LCE2C: variants seen among roughly 807,000 people sequenced by gnomAD.
LCE2C encodes late cornified envelope protein 2C.
For synonymous variants in LCE2C, 57 were observed against 51.0 expected (o/e 1.12, Z -0.50); for missense variants, 179 against 141.3 (o/e 1.27, Z -1.35).
chr1:152,676,251 G>T lies in LCE2C; in HGVS notation c.236G>T (p.Arg79Leu), dbSNP rs199701090. ...TGCTCCCTGAGCCACCACAGGCCCC[G>T]TCTCTTCCACCGGCGCCGGCACCAG... is the stretch of plus-strand genomic sequence containing the variant. ...GGCSLSHHRP[R>L]LFHRRRHQSP... The change falls in exon 2 of 2, where the codon CGT becomes CTT. Residue 79 changes from arginine to leucine, a missense_variant. By Grantham distance (102) the Arg-to-Leu change is moderately radical. Transcript: ENST00000368783. 1.2e-6 allele frequency: 2 copies of T among 1,613,832 alleles called. No homozygotes were observed. The highest frequency in any genetic ancestry group is 2.2e-5 in the South Asian group (2 of 91,074).
At position 152,676,251 on chromosome 1, in the gene LCE2C, G is replaced by A. The variant is rs199701090; in HGVS notation, c.236G>A (p.Arg79His). 4.3e-5 allele frequency: 70 copies of A among 1,613,830 alleles called. No homozygotes were observed. In the Middle Eastern group the frequency reaches 5.0e-4, roughly 11 times the overall value. The change falls in exon 2 of 2, where the codon CGT (arginine) becomes CAT (histidine). Residue 79 changes from arginine to histidine, a missense_variant. Coordinates refer to ENST00000368783, the MANE Select transcript of LCE2C (RefSeq NM_178429.5). ...TGCTCCCTGAGCCACCACAGGCCCC[G>A]TCTCTTCCACCGGCGCCGGCACCAG... Reference protein sequence around the residue: ...GGCSLSHHRPRLFHRRRHQSP... With the variant: ...GGCSLSHHRPHLFHRRRHQSP...
In LCE2C at chr1:152,676,020, C is replaced by T. The variant is rs755367389; in HGVS notation, c.5C>T (p.Ser2Phe). 19 of 1,614,180 alleles carry T rather than the reference C, an allele frequency of 1.2e-5. No homozygotes were observed. The highest frequency in any genetic ancestry group is 1.5e-5 in the Non-Finnish European group (18 of 1,180,020). Residue 2 changes from serine (S) to phenylalanine (F), a missense_variant, in exon 2 of 2, where the codon TCT (serine) becomes TTT (phenylalanine). Transcript: ENST00000368783. M[S>F]CQQNQQQCQP... ...GTTGACTAAACTCCTGCCAGCATGT[C>T]TTGCCAGCAAAACCAGCAGCAGTGC...
At position 152,676,560 on chromosome 1, in the gene LCE2C, C is replaced by T. The variant is rs1404457690; in HGVS notation, c.*212C>T. 6.3e-6 allele frequency: 4 copies of T among 634,002 alleles called. No individual in the cohort carries two copies. The highest frequency in any genetic ancestry group is 1.1e-5 in the Non-Finnish European group (4 of 374,596). 39.3% of individuals were successfully genotyped at this position (634,002 alleles called of 1,614,324 possible). On this transcript the variant is annotated 3_prime_UTR_variant, in exon 2 of 2. Coordinates refer to ENST00000368783, the MANE Select transcript of LCE2C (RefSeq NM_178429.5). ...CCTCATGTTATAATAAAGCTCTGATCTCTGACTCACTAAATGTCTTGGTCA... is the reference window on the plus strand; with the variant it reads ...CCTCATGTTATAATAAAGCTCTGATTTCTGACTCACTAAATGTCTTGGTCA...
chr1:152,675,747 CT>C (rs1179766731), intron 1 of LCE2C, among the ~76,000 whole-genome samples: 1 of 152,178 alleles, frequency 6.6e-6, no homozygotes, highest in Non-Finnish European at 1.5e-5. Context: ...GCTGTGAATA[CT>C]CTATTCGGGC....
Position 152,676,424 on chromosome 1 carries a change from C to T in LCE2C, c.*76C>T. On this transcript the variant is annotated 3_prime_UTR_variant, in exon 2 of 2. Transcript: ENST00000368783. ...GCCTGATGGATACTCTTTCCACTTC[C>T]TCTCATTCCATTCATTGGTTGGCAG... 2 of 1,519,112 alleles carry T rather than the reference C, an allele frequency of 1.3e-6. No individual in the cohort carries two copies. Among genetic ancestry groups the T allele is most frequent in the Admixed American group, 2.2e-5 (1 of 44,740 alleles). The allele number at this position is 1,519,112 out of a possible 1,614,324, so 94.1% of individuals were successfully genotyped here.
In LCE2C at chr1:152,676,527, C is replaced by T; in HGVS notation, c.*179C>T. 2.6e-6 allele frequency: 2 copies of T among 756,524 alleles called. No homozygotes were observed. Among genetic ancestry groups the T allele is most frequent in the Admixed American group, 3.1e-5 (1 of 32,620 alleles). 46.9% of individuals were successfully genotyped at this position (756,524 alleles called of 1,614,324 possible). ...CACCCCAATTGCAAGTCTTCTTTTC[C>T]TCCTTTACCTCATGTTATAATAAAG... On this transcript the variant is annotated 3_prime_UTR_variant, in exon 2 of 2. Transcript: ENST00000368783.
In LCE2C at chr1:152,676,215, G is replaced by A. The variant is rs757510001; in HGVS notation, c.200G>A (p.Gly67Glu). The change falls in exon 2 of 2, where the codon GGG becomes GAG. Residue 67 changes from glycine (G) to glutamate (E), a missense_variant. Coordinates refer to ENST00000368783, the MANE Select transcript of LCE2C (RefSeq NM_178429.5). The part of the protein sequence containing the change: ...GPSSGGCCSS[G>E]AGGCSLSHHR... The stretch of plus-strand genomic sequence containing the variant: ...AGCTCTGGGGGCTGCTGCAGCTCTG[G>A]GGCTGGTGGCTGCTCCCTGAGCCAC... 1 of 1,614,038 alleles carries A rather than the reference G, an allele frequency of 6.2e-7. No individual in the cohort carries two copies. Among genetic ancestry groups the A allele is most frequent in the Non-Finnish European group, 8.5e-7 (1 of 1,180,022 alleles).
Position 152,676,036 on chromosome 1 carries a change from G to A in LCE2C, c.21G>A (p.Gln7=), listed in dbSNP as rs1454477556. 6.2e-7 allele frequency: 1 copy of A among 1,614,186 alleles called. No homozygotes were observed. Among genetic ancestry groups the A allele is most frequent in the South Asian group, 1.1e-5 (1 of 91,068 alleles). The change falls in exon 2 of 2, where the codon CAG becomes CAA. Residue 7 remains glutamine, a synonymous_variant. Coordinates refer to ENST00000368783, the MANE Select transcript of LCE2C (RefSeq NM_178429.5). MSCQQN[Q]QQCQPPPKCP... is the part of the protein sequence containing the mutation. ...CCAGCATGTCTTGCCAGCAAAACCAGCAGCAGTGCCAGCCCCCTCCCAAGT... is the reference window on the plus strand; with the variant it reads ...CCAGCATGTCTTGCCAGCAAAACCAACAGCAGTGCCAGCCCCCTCCCAAGT...
In LCE2C at chr1:152,676,080, C is replaced by G; in HGVS notation, c.65C>G (p.Pro22Arg). The G allele has an allele frequency of 6.2e-7, 1 of 1,614,190 alleles. No homozygotes were observed. Among genetic ancestry groups the G allele is most frequent in the Non-Finnish European group, 8.5e-7 (1 of 1,180,036 alleles). Residue 22 changes from proline to arginine, a missense_variant, in exon 2 of 2, where the codon CCA (proline) becomes CGA (arginine). Coordinates refer to ENST00000368783, the MANE Select transcript of LCE2C (RefSeq NM_178429.5). The stretch of plus-strand genomic sequence containing the variant: ...CCCAAGTGTCCTCCCAAGTGTACCC[C>G]AAAATGTCCACCTAAGTGTCCCCCC... ...PPPKCPPKCT[P>R]KCPPKCPPKC...
Position 152,676,390 on chromosome 1 carries a change from C to A in LCE2C, c.*42C>A. 6.4e-7 allele frequency: 1 copy of A among 1,551,706 alleles called. No homozygotes were observed. Among genetic ancestry groups the A allele is most frequent in the Non-Finnish European group, 8.7e-7 (1 of 1,153,282 alleles). On this transcript the variant is annotated 3_prime_UTR_variant, in exon 2 of 2. Transcript: ENST00000368783. The stretch of plus-strand genomic sequence containing the variant: ...GCTCTTGGGACTGAATGGCCAAGAA[C>A]CTGCTACGGCCTGATGGATACTCTT...
intron 1 of LCE2C, 77 bp from the exon 2 acceptor site, chr1:152,675,918 A>G (rs1280692782): frequency 4.9e-6 from 7 of 1,416,496 alleles, no homozygotes; most frequent in Non-Finnish European, 5.8e-6. Context: ...CTTCTTCTAC[A>G]CATGCATTGA....
In LCE2C at chr1:152,675,988, C is replaced by T; in HGVS notation, c.-21-7C>T. 2 of 1,612,454 alleles carry T rather than the reference C, an allele frequency of 1.2e-6. No individual in the cohort carries two copies. Among genetic ancestry groups the T allele is most frequent in the Non-Finnish European group, 1.7e-6 (2 of 1,179,098 alleles). On this transcript the variant is annotated splice_polypyrimidine_tract_variant and splice_region_variant and intron_variant, in intron 1 of 1. Coordinates refer to ENST00000368783, the MANE Select transcript of LCE2C (RefSeq NM_178429.5). ...AATATTTAAAGAGTTTCATTATTATCTTTCAGGTTGACTAAACTCCTGCCA... is the reference window on the plus strand; with the variant it reads ...AATATTTAAAGAGTTTCATTATTATTTTTCAGGTTGACTAAACTCCTGCCA...
At position 152,676,398 on chromosome 1, in the gene LCE2C, G is replaced by A. The variant is rs199779088; in HGVS notation, c.*50G>A. 1.9e-5 allele frequency: 29 copies of A among 1,545,112 alleles called. No individual in the cohort carries two copies. Among genetic ancestry groups the A allele is most frequent in the East Asian group, 1.6e-4 (7 of 44,436 alleles). ...GACTGAATGGCCAAGAACCTGCTACGGCCTGATGGATACTCTTTCCACTTC... is the reference window on the plus strand; with the variant it reads ...GACTGAATGGCCAAGAACCTGCTACAGCCTGATGGATACTCTTTCCACTTC... On this transcript the variant is annotated 3_prime_UTR_variant, in exon 2 of 2. Transcript: ENST00000368783.
rs767003504 is a variant in LCE2C, at chr1:152,676,247, C to G, written c.232C>G (p.Pro78Ala). The G allele has an allele frequency of 2.5e-6, 4 of 1,613,722 alleles. No individual in the cohort carries two copies. Among genetic ancestry groups the G allele is most frequent in the Non-Finnish European group, 3.4e-6 (4 of 1,179,976 alleles). Reference protein sequence around the residue: ...AGGCSLSHHRPRLFHRRRHQS... With the variant: ...AGGCSLSHHRARLFHRRRHQS... ...TGGCTGCTCCCTGAGCCACCACAGG[C>G]CCCGTCTCTTCCACCGGCGCCGGCA... is the stretch of plus-strand genomic sequence containing the variant. Residue 78 changes from proline to alanine, a missense_variant, in exon 2 of 2, where the codon CCC becomes GCC. Pro to Ala is a conservative substitution (Grantham distance 27, BLOSUM62 -1). Transcript: ENST00000368783.
rs1012052864 is a variant in LCE2C at position 152,676,363 on chromosome 1, G to A, written c.*15G>A. ...GCTGCTGCTGACCTGGGCTACAGAA[G>A]AGCTCTTGGGACTGAATGGCCAAGA... On this transcript the variant is annotated 3_prime_UTR_variant, in exon 2 of 2. Coordinates refer to ENST00000368783, the MANE Select transcript of LCE2C (RefSeq NM_178429.5). 5 of 1,595,856 alleles carry A rather than the reference G, an allele frequency of 3.1e-6. No homozygotes were observed. In the East Asian group the frequency reaches 1.1e-4, roughly 36 times the overall value.
At position 152,676,302 on chromosome 1, in the gene LCE2C, C is replaced by T. The variant is rs751714936; in HGVS notation, c.287C>T (p.Pro96Leu). The T allele has an allele frequency of 7.4e-6, 12 of 1,613,358 alleles. No homozygotes were observed. The highest frequency in any genetic ancestry group is 1.0e-5 in the Non-Finnish European group (12 of 1,179,712). Residue 96 changes from proline (P) to leucine (L), a missense_variant, in exon 2 of 2, where the codon CCT becomes CTT. Physicochemically the swap from Pro to Leu is moderately conservative, Grantham distance 98 (BLOSUM62 -3). Transcript: ENST00000368783. ...AGCCCCGACTGCTGTGAGAGTGAAC[C>T]TTCTGGGGGCTCTGGCTGCTGCCAC... is the stretch of plus-strand genomic sequence containing the variant. The part of the protein sequence containing the change: ...HQSPDCCESE[P>L]SGGSGCCHSS...
Position 152,675,992 on chromosome 1 carries a change from C to T in LCE2C, c.-21-3C>T, listed in dbSNP as rs373969885. 8 of 1,613,038 alleles carry T rather than the reference C, an allele frequency of 5.0e-6. No individual in the cohort carries two copies. The highest frequency in any genetic ancestry group is 4.5e-5 in the East Asian group (2 of 44,888). On this transcript the variant is annotated splice_polypyrimidine_tract_variant and splice_region_variant and intron_variant, in intron 1 of 1. Transcript: ENST00000368783. ...TTTAAAGAGTTTCATTATTATCTTT[C>T]AGGTTGACTAAACTCCTGCCAGCAT...
Position 152,676,265 on chromosome 1 carries a change from C to T in LCE2C, c.250C>T (p.Arg84Cys), listed in dbSNP as rs780048858. The change falls in exon 2 of 2, where the codon CGC becomes TGC. Residue 84 changes from arginine (R) to cysteine (C), a missense_variant. Transcript: ENST00000368783. Reference sequence around the variant, plus strand: ...CCACAGGCCCCGTCTCTTCCACCGGCGCCGGCACCAGAGCCCCGACTGCTG... The same window carrying T: ...CCACAGGCCCCGTCTCTTCCACCGGTGCCGGCACCAGAGCCCCGACTGCTG... ...SHHRPRLFHRRRHQSPDCCES... is the reference protein window; with the variant it reads ...SHHRPRLFHRCRHQSPDCCES... 6.8e-6 allele frequency: 11 copies of T among 1,613,642 alleles called. No homozygotes were observed. Among genetic ancestry groups the T allele is most frequent in the South Asian group, 2.2e-5 (2 of 91,056 alleles).
Position 152,676,167 on chromosome 1 carries a change from G to T in LCE2C, c.152G>T (p.Ser51Ile), listed in dbSNP as rs76844826. ...GCAGTCTCTTCTTGCTGTGGTCCCA[G>T]CTCTGGGAGCTGCTGTGGTCCCAGC... The part of the protein sequence containing the change: ...FPAVSSCCGP[S>I]SGSCCGPSSG... The change falls in exon 2 of 2, where the codon AGC becomes ATC. Residue 51 changes from serine to isoleucine, a missense_variant. Transcript: ENST00000368783. 1.2e-4 allele frequency: 189 copies of T among 1,613,768 alleles called. No individual in the cohort carries two copies. The highest frequency in any genetic ancestry group is 1.5e-4 in the Non-Finnish European group (175 of 1,179,914).
Sources: gnomAD v4.1 joint callset for allele counts (sites outside exome capture counted in the v4.1 genomes callset) on GRCh38, gnomAD v4.1.1 for gene constraint, MANE v1.5 for transcripts, NCBI Gene and HGNC (gene_info 2026-07-23, HGNC 2026-07-21) for gene names.